The following DGKB variants were observed in gnomAD, a reference collection of about 807,000 sequenced individuals.
DGKB encodes 90 kDa diacylglycerol kinase.
DGKB carries 67 observed loss-of-function variants against 114.3 expected under a neutral mutation model. The ratio of observed to expected loss-of-function variants is 0.59; its 90% confidence interval spans 0.48 to 0.72. The LOEUF is 0.72. DGKB is among the 30% of genes least tolerant of loss of function. DGKB has a pLI of 0.00. For synonymous variants in DGKB, 398 were observed against 323.1 expected, an observed-to-expected ratio of 1.23 and a Z score of -2.49; for missense variants, 907 against 975.2, an observed-to-expected ratio of 0.93 and a Z score of 0.93.
intron 21 of DGKB, among the ~76,000 whole-genome samples, chr7:14,352,281 C>A (rs1813603515): frequency 6.6e-6 from 1 of 152,068 alleles, no homozygotes; most frequent in Non-Finnish European, 1.5e-5. Flanking sequence ...AAAGGATGCA[C>A]CCAAAGATCA....
At position 14,791,069 on chromosome 7, in the gene DGKB, G is replaced by A. The variant is rs538473963; in HGVS notation, c.71-33338C>T. Among the ~76,000 whole-genome samples the A allele has an allele frequency of 3.3e-5, 5 of 152,112 alleles. No individual in the cohort carries two copies. The South Asian group carries it at 8.3e-4, about 25-fold the overall frequency. ...TGGTCTTGAACTCCTATGCTAAAGC[G>A]ATCCTCCTACCTCTGCCGCCTTAAA... On this transcript the variant is annotated intron_variant, in intron 2 of 25. Coordinates refer to ENST00000402815, the MANE Select transcript of DGKB (RefSeq NM_001350709.2).
chr7:14,582,963 A>G, intron 18 of DGKB, 89 bp downstream of exon 18: 2 of 859,214 alleles, frequency 2.3e-6, no homozygotes, highest in Non-Finnish European at 3.9e-6. Context: ...GCTTCCAAAG[A>G]TAATGATACA....
intron 13 of DGKB, among the ~76,000 whole-genome samples, chr7:14,640,127 T>C (rs576612429): frequency 6.6e-6 from 1 of 152,346 alleles, no homozygotes; most frequent in African/African-American, 2.4e-5. Context: ...AATATTCACC[T>C]ACTGGACTCA....
intron 21 of DGKB, among the ~76,000 whole-genome samples, chr7:14,363,222 T>C (rs371151220): frequency 6.6e-6 from 1 of 152,148 alleles, no homozygotes; most frequent in Non-Finnish European, 1.5e-5. Flanking sequence ...AGTGTTAGTC[T>C]GGTGTGCTAA....
At chr7:14,669,028 T>C (rs1818517013) in intron 13 of DGKB, among the ~76,000 whole-genome samples, 1 of 152,164 alleles carries the variant, frequency 6.6e-6, no homozygotes, top group Non-Finnish European at 1.5e-5. Context: ...TCTTTTCTCC[T>C]TGAAAATCAC....
At chr7:14,906,385 A>C (rs1783704143), upstream of DGKB, among the ~76,000 whole-genome samples, 1 of 151,872 alleles carries the variant, frequency 6.6e-6, no homozygotes, top group African/African-American at 2.4e-5. Context: ...ACAGCACTTA[A>C]ACTGTGAAGT....
chr7:14,356,045 A>T (rs1177499250), intron 21 of DGKB, among the ~76,000 whole-genome samples: 2 of 151,892 alleles, frequency 1.3e-5, no homozygotes, highest in East Asian at 3.9e-4. Flanking sequence ...TTTCTTCTAG[A>T]TTTTCTAGTT....
At chr7:14,821,067 A>AT (rs1434792363) in intron 2 of DGKB, among the ~76,000 whole-genome samples, 2 of 152,094 alleles carry the variant, frequency 1.3e-5, no homozygotes, top group East Asian at 1.9e-4. Context: ...TCACTTAGAG[A>AT]TAAAAAAAGG....
intron 21 of DGKB, among the ~76,000 whole-genome samples, chr7:14,379,436 C>A (rs1265709225): frequency 6.8e-6 from 1 of 146,958 alleles, no homozygotes; most frequent in Non-Finnish European, 1.5e-5. Flanking sequence ...CTGTTTCTTG[C>A]TAGTTATTGA....
intron 2 of DGKB, among the ~76,000 whole-genome samples, chr7:14,778,496 CA>C (rs1338160034): frequency 1.3e-5 from 2 of 152,058 alleles, no homozygotes; most frequent in African/African-American, 4.8e-5. Context: ...TAGGATTGTA[CA>C]AATAAAATGA....
intron 4 of DGKB, among the ~76,000 whole-genome samples, chr7:14,753,176 T>C (rs1834361662): frequency 6.6e-6 from 1 of 152,164 alleles, no homozygotes; most frequent in African/African-American, 2.4e-5. Context: ...AATTTAAGAA[T>C]AAGAAGAAGC....
chr7:14,757,753 A>G, intron 2 of DGKB, 22 bp from the exon 3 acceptor site: 1 of 1,442,770 alleles, frequency 6.9e-7, no homozygotes, highest in Non-Finnish European at 9.7e-7. Context: ...AGAAAACACA[A>G]AAATTGTTTA....
At chr7:14,490,477 ATTTTCCTGGGTACC>A (rs991452126) in intron 20 of DGKB, among the ~76,000 whole-genome samples, 2 of 152,108 alleles carry the variant, frequency 1.3e-5, no homozygotes, top group African/African-American at 4.8e-5. Flanking sequence ...ATACATTCTG[ATTTTCCTGGGTACC>A]TTTGTAACTA....
chr7:14,805,669 AT>A (rs991429217), intron 2 of DGKB, among the ~76,000 whole-genome samples: 3 of 151,636 alleles, frequency 2.0e-5, no homozygotes, highest in Admixed American at 6.6e-5. Flanking sequence ...TCTTTAGAGA[AT>A]TTTTTTTCCT....
intron 17 of DGKB, 149 bp from the exon 18 acceptor site, chr7:14,583,286 T>C: frequency 2.1e-6 from 1 of 482,780 alleles, no homozygotes; most frequent in Non-Finnish European, 3.6e-6. Flanking sequence ...TATCCTTTAA[T>C]CCTATTTTAT....
At chr7:14,760,020 C>T (rs750661911) in intron 2 of DGKB, among the ~76,000 whole-genome samples, 2 of 152,140 alleles carry the variant, frequency 1.3e-5, no homozygotes, top group Non-Finnish European at 2.9e-5. Flanking sequence ...TAATGCTGAG[C>T]ATCTTTTTAT....
intron 17 of DGKB, among the ~76,000 whole-genome samples, chr7:14,592,967 G>C (rs918647586): frequency 7.9e-5 from 12 of 151,948 alleles, no homozygotes; most frequent in South Asian, 4.1e-4. Context: ...TGTGGAAGCT[G>C]AATTTACACT....
chr7:14,952,373 A>T (rs548468655), intron 1 of DGKB, among the ~76,000 whole-genome samples: 19 of 152,158 alleles, frequency 1.2e-4, no homozygotes, highest in African/African-American at 4.6e-4. Flanking sequence ...ACGTACATGG[A>T]TCGAATGACT....
intron 21 of DGKB, among the ~76,000 whole-genome samples, chr7:14,427,550 C>T (rs552166619): frequency 2.0e-4 from 30 of 152,228 alleles, no homozygotes; most frequent in Middle Eastern, 3.4e-3. Flanking sequence ...TCCATTTTCA[C>T]GCTGCTGATA....
Sources: gnomAD v4.1 joint callset for allele counts (sites outside exome capture counted in the v4.1 genomes callset) on GRCh38, gnomAD v4.1.1 for gene constraint, MANE v1.5 for transcripts, NCBI Gene and HGNC (gene_info 2026-07-23, HGNC 2026-07-21) for gene names.